The following TBC1D32 variants were observed in gnomAD, a reference collection of about 807,000 sequenced individuals.
The protein encoded by TBC1D32 is TBC1 domain family member 32.
In TBC1D32, 151 loss-of-function variants were observed where a neutral mutation model predicts 170.3. The ratio of observed to expected loss-of-function variants is 0.89; its 90% confidence interval spans 0.78 to 1.01. The LOEUF is 1.01. TBC1D32 is among the 50% of genes least tolerant of loss of function. TBC1D32 has a pLI of 0.00. For synonymous variants in TBC1D32, 498 were observed against 488.0 expected, an observed-to-expected ratio of 1.02 and a Z score of -0.27; for missense variants, 1,464 against 1,457.1, an observed-to-expected ratio of 1.00 and a Z score of -0.08.
intron 1 of TBC1D32, among the ~76,000 whole-genome samples, chr6:121,325,230 C>T (rs1810295990): frequency 6.7e-6 from 1 of 148,552 alleles, no homozygotes; most frequent in Non-Finnish European, 1.5e-5. Flanking sequence ...AAAAAAAAAG[C>T]TCTTTGTTCT....
At chr6:121,131,551 A>G (rs1781441115) in intron 25 of TBC1D32, 76 bp downstream of exon 25, 3 of 1,465,170 alleles carry the variant, frequency 2.0e-6, no homozygotes, top group Non-Finnish European at 2.8e-6. Context: ...TGCCAATACT[A>G]ATCTTTAAGA....
chr6:121,269,436 A>C (rs562481692), intron 15 of TBC1D32, among the ~76,000 whole-genome samples: 1 of 89,630 alleles, frequency 1.1e-5, no homozygotes, highest in Admixed American at 9.5e-5. Context: ...GCAAATGGAA[A>C]ACAAAAAAAA....
At chr6:121,297,674 C>T (rs913992395) in intron 10 of TBC1D32, among the ~76,000 whole-genome samples, 2 of 152,064 alleles carry the variant, frequency 1.3e-5, no homozygotes, top group Non-Finnish European at 2.9e-5. Context: ...TTAATGCTAC[C>T]TACTAAAAAT....
At chr6:121,100,802 T>G (rs917128167) in intron 30 of TBC1D32, among the ~76,000 whole-genome samples, 5 of 151,456 alleles carry the variant, frequency 3.3e-5, no homozygotes, top group African/African-American at 7.3e-5. Context: ...CCAGGAGCTG[T>G]TTTTTTGAAA....
intron 29 of TBC1D32, among the ~76,000 whole-genome samples, chr6:121,112,004 A>T (rs1779252242): frequency 6.6e-6 from 1 of 152,198 alleles, no homozygotes; most frequent in Non-Finnish European, 1.5e-5. Flanking sequence ...CCTCTAAAGT[A>T]ACCTCTGAGA....
chr6:121,153,962 T>A (rs1784524436), intron 24 of TBC1D32, among the ~76,000 whole-genome samples: 1 of 149,374 alleles, frequency 6.7e-6, no homozygotes, highest in Admixed American at 6.7e-5. Context: ...CAAGACCACT[T>A]GGATCCCTGG....
intron 31 of TBC1D32, among the ~76,000 whole-genome samples, chr6:121,084,373 G>C (rs1222937377): frequency 6.6e-6 from 1 of 152,020 alleles, no homozygotes; most frequent in Non-Finnish European, 1.5e-5. Context: ...AAGCACTCAA[G>C]ATATTCATAG....
intron 24 of TBC1D32, among the ~76,000 whole-genome samples, chr6:121,142,342 A>T (rs962448361): frequency 1.3e-5 from 2 of 152,234 alleles, no homozygotes; most frequent in East Asian, 3.8e-4. Context: ...CGGATGTTCT[A>T]TTGGTCTCAT....
chr6:121,287,659 G>C (rs955732317), intron 12 of TBC1D32, among the ~76,000 whole-genome samples: 12 of 152,230 alleles, frequency 7.9e-5, no homozygotes, highest in Admixed American at 3.9e-4. Flanking sequence ...AGACCTAATA[G>C]ACATCTACAG....
At chr6:121,116,245 A>G (rs911791816) in intron 26 of TBC1D32, among the ~76,000 whole-genome samples, 2 of 151,388 alleles carry the variant, frequency 1.3e-5, no homozygotes, top group Non-Finnish European at 2.9e-5. Flanking sequence ...TTCCAGGCTC[A>G]TTCATCCCCT....
At chr6:121,179,034 A>C (rs1788158624) in intron 22 of TBC1D32, among the ~76,000 whole-genome samples, 1 of 152,174 alleles carries the variant, frequency 6.6e-6, no homozygotes, top group African/African-American at 2.4e-5. Context: ...TGTTGCTTTA[A>C]GTCACAAAGT....
intron 12 of TBC1D32, among the ~76,000 whole-genome samples, chr6:121,285,442 T>C (rs1041860804): frequency 2.0e-5 from 3 of 152,106 alleles, no homozygotes; most frequent in Non-Finnish European, 4.4e-5. Context: ...ACCCAGTCCC[T>C]TAGGTTTTTG....
intron 2 of TBC1D32, among the ~76,000 whole-genome samples, chr6:121,319,631 G>T (rs1259005423): frequency 6.6e-6 from 1 of 152,104 alleles, no homozygotes; most frequent in Non-Finnish European, 1.5e-5. Context: ...ACAGGGTAGG[G>T]ATAATGGTAC....
chr6:121,170,837 C>G (rs1583058548), intron 22 of TBC1D32, among the ~76,000 whole-genome samples: 1 of 152,014 alleles, frequency 6.6e-6, no homozygotes, highest in East Asian at 1.9e-4. Context: ...AGAATTTTAG[C>G]AAATCCAGAA....
chr6:121,312,926 A>G (rs943407072), intron 3 of TBC1D32, among the ~76,000 whole-genome samples: 1 of 152,180 alleles, frequency 6.6e-6, no homozygotes, highest in African/African-American at 2.4e-5. Flanking sequence ...AGTAGCTTTC[A>G]ATAAACTATC....
chr6:121,326,784 C>A (rs1182755630), intron 1 of TBC1D32, among the ~76,000 whole-genome samples: 1 of 151,768 alleles, frequency 6.6e-6, no homozygotes, highest in Non-Finnish European at 1.5e-5. Context: ...AAAAAAAAAT[C>A]TCCAGGAGTG....
At chr6:121,313,183 C>T (rs1413906341) in intron 3 of TBC1D32, among the ~76,000 whole-genome samples, 1 of 146,392 alleles carries the variant, frequency 6.8e-6, no homozygotes, top group Non-Finnish European at 1.5e-5. Context: ...GACCTTGTCT[C>T]TATGTTGCCC....
At chr6:121,297,391 G>A (rs1408831810) in intron 10 of TBC1D32, among the ~76,000 whole-genome samples, 1 of 151,912 alleles carries the variant, frequency 6.6e-6, no homozygotes, top group East Asian at 1.9e-4. Context: ...AAAAACCAAG[G>A]GAGAATTTAA....
chr6:121,179,948 A>C (rs60717049), intron 22 of TBC1D32, among the ~76,000 whole-genome samples: 1,891 of 152,252 alleles, frequency 0.012, 39 homozygotes, highest in African/African-American at 0.043. Flanking sequence ...TCCAGTGTCC[A>C]TGCTCTTAAC....
Sources: gnomAD v4.1 joint callset for allele counts (sites outside exome capture counted in the v4.1 genomes callset) on GRCh38, gnomAD v4.1.1 for gene constraint, MANE v1.5 for transcripts, NCBI Gene and HGNC (gene_info 2026-07-23, HGNC 2026-07-21) for gene names.